BBS9: variants seen among roughly 807,000 people sequenced by gnomAD.
BBS9 encodes the protein Bardet-Biedl syndrome 9, also known as protein PTHB1.
A neutral mutation model predicts 117.7 loss-of-function variants in BBS9; 89 were observed. That is an observed-to-expected ratio of 0.76 (90% CI 0.64 to 0.90). BBS9 has a LOEUF of 0.90. BBS9 is among the 40% of genes least tolerant of loss of function. The pLI is 0.00. For synonymous variants in BBS9, 379 were observed against 370.9 expected (o/e 1.02, Z -0.25); for missense variants, 982 against 1,042.2 (o/e 0.94, Z 0.80).
chr7:33,438,437 A>G (rs1369266441), intron 19 of BBS9, among the ~76,000 whole-genome samples: 1 of 152,238 alleles, frequency 6.6e-6, no homozygotes, highest in African/African-American at 2.4e-5. Flanking sequence ...GAGTATGTAA[A>G]GAATCCGACA....
intron 21 of BBS9, among the ~76,000 whole-genome samples, chr7:33,562,922 CAAAAGAAAAA>C (rs1469449907): frequency 6.7e-6 from 1 of 148,218 alleles, no homozygotes; most frequent in African/African-American, 2.5e-5. Flanking sequence ...GACTCCATCT[CAAAAGAAAAA>C]AAAAGAAAAA....
chr7:33,239,389 G>A (rs191612311), intron 5 of BBS9, among the ~76,000 whole-genome samples: 13 of 151,998 alleles, frequency 8.6e-5, no homozygotes, highest in Admixed American at 6.6e-4. Context: ...TGAACACACA[G>A]CCTATGAGTG....
At chr7:33,314,898 G>C (rs1260168622) in intron 9 of BBS9, among the ~76,000 whole-genome samples, 1 of 152,124 alleles carries the variant, frequency 6.6e-6, no homozygotes, top group Non-Finnish European at 1.5e-5. Flanking sequence ...AGTAAGACTG[G>C]CTTTGGGAGA....
intron 5 of BBS9, among the ~76,000 whole-genome samples, chr7:33,205,577 A>G (rs899464064): frequency 6.6e-6 from 1 of 152,198 alleles, no homozygotes; most frequent in Non-Finnish European, 1.5e-5. Context: ...GATATCATGC[A>G]AACCCATCTG....
chr7:33,198,631 A>G (rs146709786), intron 5 of BBS9, among the ~76,000 whole-genome samples: 1 of 152,068 alleles, frequency 6.6e-6, no homozygotes, highest in East Asian at 1.9e-4. Context: ...TCTAGCCCGG[A>G]GGCAAAGTAT....
At chr7:33,549,659 C>CA (rs1397135666) in intron 21 of BBS9, among the ~76,000 whole-genome samples, 2 of 151,020 alleles carry the variant, frequency 1.3e-5, no homozygotes, top group African/African-American at 2.4e-5. Flanking sequence ...TTTATGCAGC[C>CA]AAAAAACACA....
At chr7:33,206,703 T>C (rs1010834591) in intron 5 of BBS9, among the ~76,000 whole-genome samples, 4 of 152,144 alleles carry the variant, frequency 2.6e-5, no homozygotes, top group Non-Finnish European at 5.9e-5. Context: ...TACATTGATA[T>C]ATAACATTTT....
intron 13 of BBS9, among the ~76,000 whole-genome samples, 179 bp from the exon 14 acceptor site, chr7:33,351,040 A>G (rs2128666909): frequency 6.6e-6 from 1 of 152,312 alleles, no homozygotes; most frequent in South Asian, 2.1e-4. Flanking sequence ...TCTCATCATA[A>G]TAAATGAGGA....
chr7:33,312,267 A>G (rs1401785596), intron 9 of BBS9, among the ~76,000 whole-genome samples: 1 of 152,220 alleles, frequency 6.6e-6, no homozygotes, highest in Non-Finnish European at 1.5e-5. Context: ...TTTAGCACAT[A>G]GCGTCTTGTG....
In BBS9 at chr7:33,555,569, A is replaced by G. The variant is rs145972703; in HGVS notation, c.2521+21393A>G. On this transcript the variant is annotated intron_variant, in intron 21 of 22. Coordinates refer to ENST00000242067, the MANE Select transcript of BBS9 (RefSeq NM_198428.3). ...AGCAAATGGGTATGAGAACTTTTTCAGGAGATAAAATTGAGAGGATTTGGT... is the reference window on the plus strand; with the variant it reads ...AGCAAATGGGTATGAGAACTTTTTCGGGAGATAAAATTGAGAGGATTTGGT... 9.2e-3 allele frequency among the ~76,000 whole-genome samples: 1,402 copies of G among 152,264 alleles called. 21 individuals are homozygous for G. The highest frequency in any genetic ancestry group is 0.032 in the African/African-American group (1,338 of 41,552).
chr7:33,289,422 G>C (rs1305354498), intron 9 of BBS9, among the ~76,000 whole-genome samples: 1 of 152,162 alleles, frequency 6.6e-6, no homozygotes, highest in African/African-American at 2.4e-5. Flanking sequence ...AAAAATGAAA[G>C]ATAAATTATT....
chr7:33,224,374 T>C (rs1790840648), intron 5 of BBS9, among the ~76,000 whole-genome samples: 1 of 152,238 alleles, frequency 6.6e-6, no homozygotes, highest in Non-Finnish European at 1.5e-5. Flanking sequence ...TTAACTGTTC[T>C]ATATCTGTCT....
intron 19 of BBS9, among the ~76,000 whole-genome samples, chr7:33,473,974 G>T (rs1306140704): frequency 6.6e-6 from 1 of 152,170 alleles, no homozygotes; most frequent in African/African-American, 2.4e-5. Flanking sequence ...GCTGTATTCT[G>T]TGGAAAATGA....
At chr7:33,364,628 C>A (rs1821299187) in intron 16 of BBS9, among the ~76,000 whole-genome samples, 1 of 113,094 alleles carries the variant, frequency 8.8e-6, no homozygotes, top group Non-Finnish European at 1.8e-5. Context: ...CCTTCCCCCT[C>A]CTCTCCCCTC....
intron 16 of BBS9, among the ~76,000 whole-genome samples, chr7:33,364,903 A>G (rs1821373811): frequency 6.7e-6 from 1 of 150,216 alleles, no homozygotes; most frequent in Non-Finnish European, 1.5e-5. Flanking sequence ...TAATTTTCTT[A>G]TTTTTTGTAG....
chr7:33,411,561 A>G (rs1195164005), intron 19 of BBS9, among the ~76,000 whole-genome samples: 2 of 152,126 alleles, frequency 1.3e-5, no homozygotes, highest in African/African-American at 2.4e-5. Flanking sequence ...AAAATTGTGT[A>G]TTTTTATTGC....
At chr7:33,485,621 A>T (rs994991183) in intron 19 of BBS9, among the ~76,000 whole-genome samples, 106 of 152,154 alleles carry the variant, frequency 7.0e-4, no homozygotes, top group African/African-American at 2.5e-3. Context: ...AAGTTGTTTT[A>T]AAAAAAGGCA....
intron 21 of BBS9, among the ~76,000 whole-genome samples, chr7:33,618,202 G>T (rs2129220427): frequency 6.6e-6 from 1 of 152,108 alleles, no homozygotes; most frequent in Admixed American, 6.6e-5. Flanking sequence ...AGAATTAGCT[G>T]GGCATAATGT....
At chr7:33,515,156 T>TAA (rs1176805196) in intron 20 of BBS9, among the ~76,000 whole-genome samples, 1 of 152,234 alleles carries the variant, frequency 6.6e-6, no homozygotes, top group Non-Finnish European at 1.5e-5. Context: ...AACTATGATG[T>TAA]AATAGTTTTA....
Sources: gnomAD v4.1 joint callset for allele counts (sites outside exome capture counted in the v4.1 genomes callset) on GRCh38, gnomAD v4.1.1 for gene constraint, MANE v1.5 for transcripts, NCBI Gene and HGNC (gene_info 2026-07-23, HGNC 2026-07-21) for gene names.